The following CRIM1 variants were observed in gnomAD, a reference collection of about 807,000 sequenced individuals.
CRIM1 encodes the protein cysteine rich transmembrane BMP regulator 1.
Under a neutral mutation model 116.4 loss-of-function variants are expected in CRIM1, and 32 were observed. That is an observed-to-expected ratio of 0.27 (90% CI 0.21 to 0.37). The LOEUF is 0.37. CRIM1 is among the 10% of genes least tolerant of loss of function. The pLI is 1.00. For synonymous variants in CRIM1, 590 were observed against 509.2 expected, an observed-to-expected ratio of 1.16 and a Z score of -2.13; for missense variants, 1,331 against 1,354.8, an observed-to-expected ratio of 0.98 and a Z score of 0.28.
At chr2:36,359,780 G>C (rs984587186) in intron 1 of CRIM1, among the ~76,000 whole-genome samples, 5 of 152,150 alleles carry the variant, frequency 3.3e-5, no homozygotes, top group African/African-American at 1.2e-4. Flanking sequence ...GAAAAAATGA[G>C]CATGGAGCCT....
chr2:36,395,691 G>A (rs1671973426), intron 1 of CRIM1, among the ~76,000 whole-genome samples: 1 of 152,086 alleles, frequency 6.6e-6, no homozygotes, highest in South Asian at 2.1e-4. Context: ...TTTGGTCTCA[G>A]CCTTTGTATT....
intron 1 of CRIM1, among the ~76,000 whole-genome samples, chr2:36,382,713 G>A (rs919024164): frequency 2.6e-5 from 4 of 152,228 alleles, no homozygotes; most frequent in African/African-American, 9.6e-5. Context: ...GTGTCTCCTG[G>A]CTCAAGGGGT....
At chr2:36,521,572 T>A (rs920377700) in intron 12 of CRIM1, among the ~76,000 whole-genome samples, 1 of 152,208 alleles carries the variant, frequency 6.6e-6, no homozygotes, top group African/African-American at 2.4e-5. Flanking sequence ...TCTCTTCTGA[T>A]AGGGGTGTCA....
Position 36,479,586 on chromosome 2 carries a change from A to T in CRIM1, c.1264A>T (p.Thr422Ser), listed in dbSNP as rs1479219563. The T allele has an allele frequency of 2.5e-6, 4 of 1,614,114 alleles. No individual in the cohort carries two copies. In the African/African-American group the frequency reaches 5.3e-5, roughly 22 times the overall value. Residue 422 changes from threonine to serine, a missense_variant, in exon 7 of 17, where the codon ACA (threonine) becomes TCA (serine). Around this residue, in one of 3 missense-constraint regions of CRIM1, gnomAD observed 690 missense variants for 676.0 expected, o/e 1.02. Coordinates refer to ENST00000280527, the MANE Select transcript of CRIM1 (RefSeq NM_016441.3). The part of the protein sequence containing the change: ...HGDRWREDDC[T>S]FCQCVNGERH... ...AGACCGGTGGCGGGAAGACGACTGC[A>T]CATTCTGCCAGTGCGTCAACGGTGA...
In CRIM1 at chr2:36,479,580, G is replaced by A. The variant is rs760795693; in HGVS notation, c.1258G>A (p.Asp420Asn). 3.7e-6 allele frequency: 6 copies of A among 1,614,170 alleles called. No individual in the cohort carries two copies. Among genetic ancestry groups the A allele is most frequent in the South Asian group, 2.2e-5 (2 of 91,066 alleles). ...CCACGGAGACCGGTGGCGGGAAGACGACTGCACATTCTGCCAGTGCGTCAA... is the reference window on the plus strand; with the variant it reads ...CCACGGAGACCGGTGGCGGGAAGACAACTGCACATTCTGCCAGTGCGTCAA... ...LAHGDRWRED[D>N]CTFCQCVNGE... Residue 420 changes from aspartate (D) to asparagine (N), a missense_variant, in exon 7 of 17, where the codon GAC becomes AAC. Asp to Asn is a conservative substitution (Grantham distance 23, BLOSUM62 1). Around this residue, in one of 3 missense-constraint regions of CRIM1, gnomAD observed 690 missense variants for 676.0 expected, o/e 1.02. Transcript: ENST00000280527.
chr2:36,465,571 T>C (rs933415561), intron 5 of CRIM1, among the ~76,000 whole-genome samples: 1 of 152,206 alleles, frequency 6.6e-6, no homozygotes, highest in Non-Finnish European at 1.5e-5. Flanking sequence ...AAGGTTATGT[T>C]GCAGTTGAGT....
chr2:36,467,965 G>C (rs148271139), intron 5 of CRIM1, among the ~76,000 whole-genome samples: 18 of 152,310 alleles, frequency 1.2e-4, no homozygotes, highest in African/African-American at 3.8e-4. Context: ...TGCAGAAACT[G>C]GTTTCCTGGG....
chr2:36,375,965 G>A (rs1670287252), intron 1 of CRIM1, among the ~76,000 whole-genome samples: 1 of 152,016 alleles, frequency 6.6e-6, no homozygotes, highest in Non-Finnish European at 1.5e-5. Flanking sequence ...TAAATATTTG[G>A]CACCCACCAT....
chr2:36,371,779 G>T (rs372206451), intron 1 of CRIM1, among the ~76,000 whole-genome samples: 13 of 152,094 alleles, frequency 8.5e-5, no homozygotes, highest in African/African-American at 2.9e-4. Flanking sequence ...AATTTTCCTC[G>T]TGGGTGGTTG....
intron 7 of CRIM1, among the ~76,000 whole-genome samples, chr2:36,490,091 G>T (rs1343452044): frequency 6.6e-6 from 1 of 152,118 alleles, no homozygotes; most frequent in Non-Finnish European, 1.5e-5. Context: ...GTTACAACAG[G>T]CAGGGTTCAG....
At chr2:36,479,420 A>G (rs1225789961) in intron 6 of CRIM1, 77 bp from the exon 7 acceptor site, 15 of 1,444,562 alleles carry the variant, frequency 1.0e-5, no homozygotes, top group Non-Finnish European at 1.4e-5. Context: ...AACCCAGGGA[A>G]AAAATGTCTC....
chr2:36,437,905 G>A (rs1009348365), intron 2 of CRIM1, among the ~76,000 whole-genome samples: 3 of 151,904 alleles, frequency 2.0e-5, no homozygotes, highest in Non-Finnish European at 4.4e-5. Flanking sequence ...AGGCTGAGGC[G>A]GGTGGATCAC....
intron 5 of CRIM1, among the ~76,000 whole-genome samples, chr2:36,470,272 A>G (rs1364471991): frequency 6.6e-6 from 1 of 152,208 alleles, no homozygotes; most frequent in East Asian, 1.9e-4. Context: ...GGATGGGACA[A>G]GCTGCATGTC....
At chr2:36,510,470 C>T (rs920617587) in intron 9 of CRIM1, among the ~76,000 whole-genome samples, 4 of 152,172 alleles carry the variant, frequency 2.6e-5, no homozygotes, top group Non-Finnish European at 5.9e-5. Context: ...AGTGCTACAA[C>T]TCTTCACACC....
intron 14 of CRIM1, among the ~76,000 whole-genome samples, chr2:36,541,621 T>TA (rs1398883272): frequency 6.6e-6 from 1 of 152,182 alleles, no homozygotes; most frequent in Non-Finnish European, 1.5e-5. Flanking sequence ...AGGCAACTCT[T>TA]AGAGATGACC....
At chr2:36,424,354 C>A (rs1396947729) in intron 2 of CRIM1, among the ~76,000 whole-genome samples, 1 of 152,178 alleles carries the variant, frequency 6.6e-6, no homozygotes, top group Non-Finnish European at 1.5e-5. Flanking sequence ...ATGTATTGTT[C>A]AACCGTGTCT....
chr2:36,455,297 T>C (rs1677050080), intron 4 of CRIM1, among the ~76,000 whole-genome samples: 1 of 152,186 alleles, frequency 6.6e-6, no homozygotes, highest in African/African-American at 2.4e-5. Context: ...TCTCAGATTA[T>C]AATCATATAA....
At chr2:36,439,943 G>T (rs994973260) in intron 2 of CRIM1, among the ~76,000 whole-genome samples, 2 of 152,188 alleles carry the variant, frequency 1.3e-5, no homozygotes, top group Admixed American at 1.3e-4. Context: ...AGCAACAGGT[G>T]CTCAGTCAAT....
intron 2 of CRIM1, among the ~76,000 whole-genome samples, chr2:36,437,840 A>G (rs1675438238): frequency 6.6e-6 from 1 of 152,132 alleles, no homozygotes; most frequent in Non-Finnish European, 1.5e-5. Flanking sequence ...GAACTTAAAG[A>G]GTGGGATAAC....
Sources: allele counts gnomAD v4.1 joint callset (sites outside exome capture counted in the v4.1 genomes callset), GRCh38; gene constraint gnomAD v4.1.1; regional missense constraint gnomAD v4.1.1; transcripts MANE v1.5; gene names NCBI Gene and HGNC (gene_info 2026-07-23, HGNC 2026-07-21).